ZNF84: variants seen among roughly 807,000 people sequenced by gnomAD.
ZNF84 encodes the protein zinc finger protein HPF2.
A neutral mutation model predicts 14.8 loss-of-function variants in ZNF84; 12 were observed. The ratio of observed to expected loss-of-function variants is 0.81; its 90% confidence interval spans 0.52 to 1.31. ZNF84 has a LOEUF of 1.31. ZNF84 is among the 50% of genes most tolerant of loss of function. ZNF84 has a pLI of 0.00. For missense variants in ZNF84, 859 were observed against 878.6 expected, an observed-to-expected ratio of 0.98 and a Z score of 0.28; for synonymous variants, 347 against 291.1, an observed-to-expected ratio of 1.19 and a Z score of -1.96.
At chr12:133,043,520 A>G (rs1293487714) in intron 2 of ZNF84, among the ~76,000 whole-genome samples, 1 of 152,138 alleles carries the variant, frequency 6.6e-6, no homozygotes, top group Non-Finnish European at 1.5e-5. Context: ...TGGGAGTTGC[A>G]AAATGGTGAC....
chr12:133,045,091 T>A (rs1953956594), intron 2 of ZNF84, among the ~76,000 whole-genome samples: 1 of 152,190 alleles, frequency 6.6e-6, no homozygotes, highest in African/African-American at 2.4e-5. Flanking sequence ...CAATCTAGTT[T>A]TAGAAGATTT....
At position 133,060,323 on chromosome 12, in the gene ZNF84, CAT is replaced by C. The variant is rs1954237528; in HGVS notation, c.*1392_*1393del. ...ATTAGGGAATTTTGTGCTGGAAAAA[CAT>C]TTTTGACATTCAAGGATGCCTATTT... On this transcript the variant is annotated 3_prime_UTR_variant, in exon 5 of 5. Transcript: ENST00000539354. 3 of 152,232 alleles carry C rather than the reference CAT, an allele frequency of 2.0e-5. No homozygotes were observed. In the South Asian group the frequency reaches 6.2e-4, roughly 31 times the overall value. 9.4% of individuals were successfully genotyped at this position (152,232 alleles called of 1,614,324 possible).
rs911673150 is a variant in ZNF84 at position 133,048,652 on chromosome 12, A to T, written c.143-101A>T. The T allele has an allele frequency of 3.9e-6, 3 of 771,992 alleles. No individual in the cohort carries two copies. The East Asian group carries it at 8.2e-5, about 21-fold the overall frequency. The allele number at this position is 771,992 out of a possible 1,614,324, so 47.8% of individuals were successfully genotyped here. ...AGAATTACTTACTCTGTTGGGGTAC[A>T]GCTTCACCAGGCCAACTTTGATGTG... On this transcript the variant is annotated intron_variant, in intron 3 of 4. Transcript: ENST00000539354.
chr12:133,049,584 A>G (rs1954039982), intron 4 of ZNF84, among the ~76,000 whole-genome samples: 1 of 151,798 alleles, frequency 6.6e-6, no homozygotes, highest in Non-Finnish European at 1.5e-5. Flanking sequence ...GGTTCAGGCG[A>G]TTCTCCTGCC....
rs1341808755 is a variant in ZNF84, at chr12:133,060,205, T to C, written c.*1273T>C. 1 of 152,218 alleles carries C rather than the reference T, an allele frequency of 6.6e-6. No individual in the cohort carries two copies. The highest frequency in any genetic ancestry group is 1.5e-5 in the Non-Finnish European group (1 of 68,032). 9.4% of individuals were successfully genotyped at this position (152,218 alleles called of 1,614,324 possible). On this transcript the variant is annotated 3_prime_UTR_variant, in exon 5 of 5. Transcript: ENST00000539354. ...ATAAAGTATCATGGATATTTTGTGC[T>C]GCTGTTATGCTTTTTGTGTTGCATA... is the stretch of plus-strand genomic sequence containing the variant.
chr12:133,041,240 A>G, intron 1 of ZNF84, 38 bp from the exon 2 acceptor site: 1 of 509,074 alleles, frequency 2.0e-6, no homozygotes, highest in African/African-American at 1.9e-5. Flanking sequence ...TTTCATGTGC[A>G]ATGTGAATAT....
At chr12:133,055,029 G>T (rs1292651868) in intron 4 of ZNF84, among the ~76,000 whole-genome samples, 6 of 152,050 alleles carry the variant, frequency 3.9e-5, no homozygotes, top group Non-Finnish European at 7.4e-5. Context: ...TCAAAGGGCA[G>T]TTTTACTAAT....
chr12:133,055,530 A>G (rs1954139746), intron 4 of ZNF84, among the ~76,000 whole-genome samples: 2 of 152,180 alleles, frequency 1.3e-5, no homozygotes, highest in African/African-American at 4.8e-5. Context: ...CAAGATGACT[A>G]TGAAACAACA....
At chr12:133,046,951 A>G (rs1953992854) in intron 2 of ZNF84, among the ~76,000 whole-genome samples, 1 of 138,640 alleles carries the variant, frequency 7.2e-6, no homozygotes, top group Non-Finnish European at 1.5e-5. Context: ...TATATTATAT[A>G]TTATATTATG....
chr12:133,050,904 A>G (rs1007088885), intron 4 of ZNF84, among the ~76,000 whole-genome samples: 2 of 152,182 alleles, frequency 1.3e-5, no homozygotes, highest in African/African-American at 2.4e-5. Flanking sequence ...GTAATGTTCG[A>G]TAAATTTCTT....
Position 133,058,612 on chromosome 12 carries a change from A to G in ZNF84, c.1897A>G (p.Arg633Gly). ...GEKPYECNEC[R>G]KAFREKSSLI... Reference sequence around the variant, plus strand: ...AAAACCTTATGAATGCAATGAATGTAGAAAAGCCTTCAGGGAGAAGTCAAG... The same window carrying G: ...AAAACCTTATGAATGCAATGAATGTGGAAAAGCCTTCAGGGAGAAGTCAAG... Residue 633 changes from arginine to glycine, a missense_variant, in exon 5 of 5, where the codon AGA (arginine) becomes GGA (glycine). Arg to Gly is a moderately radical substitution (Grantham distance 125, BLOSUM62 -2). Transcript: ENST00000539354. The G allele has an allele frequency of 6.2e-7, 1 of 1,614,196 alleles. No homozygotes were observed. The highest frequency in any genetic ancestry group is 8.5e-7 in the Non-Finnish European group (1 of 1,180,030).
chr12:133,044,617 A>G (rs1953945812), intron 2 of ZNF84, among the ~76,000 whole-genome samples: 2 of 152,090 alleles, frequency 1.3e-5, no homozygotes, highest in Non-Finnish European at 2.9e-5. Flanking sequence ...ATTGTTTTTC[A>G]AAGAATATAG....
At chr12:133,049,664 G>T (rs1049837189) in intron 4 of ZNF84, among the ~76,000 whole-genome samples, 17 of 151,862 alleles carry the variant, frequency 1.1e-4, no homozygotes, top group African/African-American at 3.6e-4. Flanking sequence ...TGTATTTTTA[G>T]TGGAGACAGG....
At chr12:133,042,557 G>A (rs1236313934) in intron 2 of ZNF84, among the ~76,000 whole-genome samples, 4 of 152,178 alleles carry the variant, frequency 2.6e-5, no homozygotes, top group African/African-American at 4.8e-5. Flanking sequence ...AGGCTTTATA[G>A]GGTTTGGTTC....
Position 133,063,206 on chromosome 12 carries a change from T to C in ZNF84, c.*4274T>C. On this transcript the variant is annotated 3_prime_UTR_variant, in exon 5 of 5. Coordinates refer to ENST00000539354, the MANE Select transcript of ZNF84 (RefSeq NM_001289971.2). ...CAGTACCTGGTTCTTCTGGTCTTCA[T>C]GTTCAGGTCCACCTCTGCCCTTTTC... 1.4e-6 allele frequency: 1 copy of C among 702,408 alleles called. No homozygotes were observed. The highest frequency in any genetic ancestry group is 2.6e-6 in the Non-Finnish European group (1 of 384,842). 43.5% of individuals were successfully genotyped at this position (702,408 alleles called of 1,614,324 possible). A position where few individuals can be genotyped will look rare whatever the true frequency, so the allele number is the denominator to read the frequency against.
chr12:133,054,345 G>A (rs1696391), intron 4 of ZNF84, among the ~76,000 whole-genome samples: 141,330 of 152,214 alleles, frequency 0.93, 65,837 homozygotes, highest in East Asian at 1. Flanking sequence ...TCACAACACT[G>A]CACTTCAATA....
intron 1 of ZNF84, among the ~76,000 whole-genome samples, chr12:133,038,436 C>G (rs202061565): frequency 1.4e-5 from 2 of 146,132 alleles, no homozygotes; most frequent in East Asian, 3.9e-4. Flanking sequence ...TAGGGCATGC[C>G]TGTAGCCCCA....
chr12:133,057,359 G>A lies in ZNF84; in HGVS notation c.644G>A (p.Arg215His), dbSNP rs1261035003. 2.2e-5 allele frequency: 35 copies of A among 1,613,860 alleles called. No homozygotes were observed. The highest frequency in any genetic ancestry group is 1.7e-4 in the Middle Eastern group (1 of 6,056). Reference protein sequence around the residue: ...KLYECSECRKRFSKKPSLIKH... With the variant: ...KLYECSECRKHFSKKPSLIKH... ...TATGAATGCAGTGAATGTAGGAAGCGCTTCAGTAAGAAACCAAGTCTCATT... is the reference window on the plus strand; with the variant it reads ...TATGAATGCAGTGAATGTAGGAAGCACTTCAGTAAGAAACCAAGTCTCATT... Residue 215 changes from arginine (R) to histidine (H), a missense_variant, in exon 5 of 5, where the codon CGC becomes CAC. Arg to His is a conservative substitution (Grantham distance 29). Transcript: ENST00000539354.
At chr12:133,055,393 C>T (rs1954136903) in intron 4 of ZNF84, among the ~76,000 whole-genome samples, 1 of 152,032 alleles carries the variant, frequency 6.6e-6, no homozygotes, top group Non-Finnish European at 1.5e-5. Flanking sequence ...TTAAGTTGTA[C>T]ATTTCATCAA....
Sources: allele counts gnomAD v4.1 joint callset (sites outside exome capture counted in the v4.1 genomes callset), GRCh38; gene constraint gnomAD v4.1.1; transcripts MANE v1.5; gene names NCBI Gene and HGNC (gene_info 2026-07-23, HGNC 2026-07-21).